The following CHSY1 variants were observed in gnomAD, a reference collection of about 807,000 sequenced individuals.
The protein encoded by CHSY1 is N-acetylgalactosaminyl-proteoglycan 3-beta-glucuronosyltransferase 1.
CHSY1 carries 13 observed loss-of-function variants against 59.8 expected under a neutral mutation model. The observed-to-expected ratio is 0.22, with a 90% CI of 0.14 to 0.35. The LOEUF (loss-of-function observed/expected upper bound fraction) is 0.35, where lower values mean the gene tolerates loss of function less well. CHSY1 is among the 10% of genes least tolerant of loss of function. The pLI, the probability that CHSY1 is intolerant of heterozygous loss-of-function variation, is 1.00. For missense variants in CHSY1, 947 were observed against 1,030.6 expected (o/e 0.92, Z 1.11); for synonymous variants, 459 against 401.2 (o/e 1.14, Z -1.72).
rs372012197 is a variant in CHSY1, at chr15:101,177,938, T to C, written c.1859A>G (p.Gln620Arg). The change falls in exon 3 of 3, where the codon CAG becomes CGG. Residue 620 changes from glutamine to arginine, a missense_variant. Physicochemically the swap from Gln to Arg is conservative, Grantham distance 43. Transcript: ENST00000254190. ...RALALEVGSS[Q>R]FNNESLLFFC... is the part of the protein sequence containing the mutation. Reference sequence around the variant, plus strand: ...GAAGAGCAAAGATTCATTGTTAAACTGGGAGGATCCTACTTCCAGGGCCAG... The same window carrying C: ...GAAGAGCAAAGATTCATTGTTAAACCGGGAGGATCCTACTTCCAGGGCCAG... 74 of 1,614,060 alleles carry C rather than the reference T, an allele frequency of 4.6e-5. No individual in the cohort carries two copies. The highest frequency in any genetic ancestry group is 6.7e-5 in the Admixed American group (4 of 60,002).
At position 101,235,845 on chromosome 15, in the gene CHSY1, G is replaced by A. The variant is rs80056390; in HGVS notation, c.321-268C>T. Among the ~76,000 whole-genome samples, 631 of 152,246 alleles carry A rather than the reference G, an allele frequency of 4.1e-3. 4 individuals carry two copies. The highest frequency in any genetic ancestry group is 0.014 in the African/African-American group (565 of 41,520). On this transcript the variant is annotated intron_variant, in intron 1 of 2. Coordinates refer to ENST00000254190, the MANE Select transcript of CHSY1 (RefSeq NM_014918.5). ...GTTATGGCTGAAAACCAAACTGCCAGGGGACCAAGGTCTGGGTATACAGAT... is the reference window on the plus strand; with the variant it reads ...GTTATGGCTGAAAACCAAACTGCCAAGGGACCAAGGTCTGGGTATACAGAT...
chr15:101,176,368 G>A lies in CHSY1; in HGVS notation c.*1020C>T. ...TTTTCCCCAACGTTTTGATTAGGGTGTATGTGTGTATGTTTCAGTCTGTGT... is the reference window on the plus strand; with the variant it reads ...TTTTCCCCAACGTTTTGATTAGGGTATATGTGTGTATGTTTCAGTCTGTGT... On this transcript the variant is annotated 3_prime_UTR_variant, in exon 3 of 3. Transcript: ENST00000254190. 1 of 398,578 alleles carries A rather than the reference G, an allele frequency of 2.5e-6. No homozygotes were observed. The highest frequency in any genetic ancestry group is 3.6e-5 in the East Asian group (1 of 28,064). 24.7% of individuals were successfully genotyped at this position (398,578 alleles called of 1,614,324 possible).
In CHSY1 at chr15:101,178,463, G is replaced by GCC; in HGVS notation, c.1332_1333dup (p.Ala445GlyfsTer20). 6.2e-7 allele frequency: 1 copy of GCC among 1,614,166 alleles called. No individual in the cohort carries two copies. The highest frequency in any genetic ancestry group is 8.5e-7 in the Non-Finnish European group (1 of 1,180,004). ...AAGCAGCAGGTCCAGGATGTACTCA[G>GCC]CCCCATACATGGGGTTCACCCGGCG... On this transcript the variant is annotated frameshift_variant, in exon 3 of 3. Coordinates refer to ENST00000254190, the MANE Select transcript of CHSY1 (RefSeq NM_014918.5). LOFTEE classifies it high-confidence loss of function.
intron 2 of CHSY1, among the ~76,000 whole-genome samples, chr15:101,185,659 C>CG: frequency 6.6e-6 from 1 of 150,538 alleles, no homozygotes; most frequent in Non-Finnish European, 1.5e-5. Flanking sequence ...GCCATTTGTA[C>CG]TGAACTTTTG....
intron 2 of CHSY1, among the ~76,000 whole-genome samples, chr15:101,225,922 C>T (rs2038837508): frequency 6.6e-6 from 1 of 152,094 alleles, no homozygotes; most frequent in Non-Finnish European, 1.5e-5. Context: ...TATGTCGATC[C>T]CACCTCCTGA....
At chr15:101,233,696 T>G (rs2038913266) in intron 2 of CHSY1, among the ~76,000 whole-genome samples, 1 of 152,150 alleles carries the variant, frequency 6.6e-6, no homozygotes, top group Non-Finnish European at 1.5e-5. Context: ...AGATCACATT[T>G]AGGATTTAAA....
chr15:101,241,606 T>C (rs556371477), intron 1 of CHSY1, among the ~76,000 whole-genome samples: 2 of 152,332 alleles, frequency 1.3e-5, no homozygotes, highest in Admixed American at 6.5e-5. Flanking sequence ...GTCGTTTCAA[T>C]TGTGATTTTT....
chr15:101,234,472 T>C (rs2038920264), intron 2 of CHSY1, among the ~76,000 whole-genome samples: 1 of 152,242 alleles, frequency 6.6e-6, no homozygotes, highest in South Asian at 2.1e-4. Context: ...TCAGACAAGA[T>C]GATTTTCTGG....
In CHSY1 at chr15:101,177,559, G is replaced by C; in HGVS notation, c.2238C>G (p.His746Gln). ...GATTGGGATCACAAAAGACAGGATGGTGGACGTGGACTACTCCTACTTCCT... is the reference window on the plus strand; with the variant it reads ...GATTGGGATCACAAAAGACAGGATGCTGGACGTGGACTACTCCTACTTCCT... ...RSQEVGVVHV[H>Q]HPVFCDPNLD... Residue 746 changes from histidine to glutamine, a missense_variant, in exon 3 of 3, where the codon CAC becomes CAG. Physicochemically the swap from His to Gln is conservative, Grantham distance 24. This residue lies in a region of CHSY1 where 602 missense variants were observed against 676.9 expected (regional missense o/e 0.89). Transcript: ENST00000254190. The C allele has an allele frequency of 6.2e-7, 1 of 1,614,036 alleles. No individual in the cohort carries two copies. The highest frequency in any genetic ancestry group is 8.5e-7 in the Non-Finnish European group (1 of 1,179,920).
chr15:101,246,891 G>C (rs1430721952), intron 1 of CHSY1, among the ~76,000 whole-genome samples: 4 of 152,126 alleles, frequency 2.6e-5, no homozygotes, highest in Non-Finnish European at 5.9e-5. Flanking sequence ...TTAAATATGG[G>C]AAAAATACGA....
At position 101,247,413 on chromosome 15, in the gene CHSY1, T is replaced by C. The variant is rs557856835; in HGVS notation, c.320+3724A>G. 7.9e-5 allele frequency among the ~76,000 whole-genome samples: 12 copies of C among 152,322 alleles called. No homozygotes were observed. The South Asian group carries it at 2.5e-3, about 32-fold the overall frequency. ...CACACTTGCCCTGCCCCAACCCTGT[T>C]CTATTTTCTCTACAGCATCCATCAC... On this transcript the variant is annotated intron_variant, in intron 1 of 2. Transcript: ENST00000254190.
intron 2 of CHSY1, among the ~76,000 whole-genome samples, chr15:101,192,063 AAAAAG>A (rs775330999): frequency 1.6e-4 from 24 of 152,226 alleles, no homozygotes; most frequent in Non-Finnish European, 3.2e-4. Context: ...AGCCCTATAC[AAAAAG>A]AAGAGAGAAA....
In CHSY1 at chr15:101,178,720, AGG is replaced by A; in HGVS notation, c.1075_1076del (p.Pro359SerfsTer30). The A allele has an allele frequency of 6.2e-7, 1 of 1,614,174 alleles. No individual in the cohort carries two copies. Among genetic ancestry groups the A allele is most frequent in the Non-Finnish European group, 8.5e-7 (1 of 1,180,018 alleles). On this transcript the variant is annotated frameshift_variant, in exon 3 of 3. Transcript: ENST00000254190. LOFTEE classifies it high-confidence loss of function. ...IHKEDLQLGI[P>X]PSFMRFQPRQ... ...GGGGCTGAAACCTCATGAAGGAGGG[AGG>A]GATTCCCAGCTGGAGGTCCTCTTTA...
chr15:101,232,153 C>T (rs963048185), intron 2 of CHSY1, among the ~76,000 whole-genome samples: 3 of 152,226 alleles, frequency 2.0e-5, no homozygotes, highest in South Asian at 4.2e-4. Context: ...TATTTCTACT[C>T]GCCAAAAAAA....
intron 2 of CHSY1, among the ~76,000 whole-genome samples, chr15:101,191,731 C>A (rs1386799171): frequency 2.0e-5 from 3 of 151,908 alleles, no homozygotes; most frequent in Non-Finnish European, 4.4e-5. Context: ...ACCTAAAGCT[C>A]CTCCAAAAAA....
intron 2 of CHSY1, among the ~76,000 whole-genome samples, chr15:101,180,299 C>T (rs533063071): frequency 6.6e-6 from 1 of 152,318 alleles, no homozygotes; most frequent in African/African-American, 2.4e-5. Context: ...TGAGTCCGGT[C>T]TTAGAGCAAG....
intron 2 of CHSY1, among the ~76,000 whole-genome samples, chr15:101,199,517 G>A (rs1285053823): frequency 6.6e-6 from 1 of 151,932 alleles, no homozygotes; most frequent in Non-Finnish European, 1.5e-5. Flanking sequence ...ACAAACAAAC[G>A]AACAAACAAA....
At chr15:101,211,233 A>G (rs1022639776) in intron 2 of CHSY1, among the ~76,000 whole-genome samples, 1 of 152,206 alleles carries the variant, frequency 6.6e-6, no homozygotes, top group Admixed American at 6.5e-5. Flanking sequence ...CTGAGGCAGA[A>G]AAATCACTTG....
rs369690983 is a variant in CHSY1, at chr15:101,200,806, A to C, written c.817-21826T>G. ...GGTCTTTCAATATGGAACCCTGGTC[A>C]TGTTGCTTGCTGGGAATAATTCGAC... On this transcript the variant is annotated intron_variant, in intron 2 of 2. Coordinates refer to ENST00000254190, the MANE Select transcript of CHSY1 (RefSeq NM_014918.5). Among the ~76,000 whole-genome samples, 12 of 152,208 alleles carry C rather than the reference A, an allele frequency of 7.9e-5. No homozygotes were observed. In the East Asian group the frequency reaches 1.7e-3, roughly 22 times the overall value.
Sources: allele counts gnomAD v4.1 joint callset (sites outside exome capture counted in the v4.1 genomes callset), GRCh38; gene constraint gnomAD v4.1.1; regional missense constraint gnomAD v4.1.1; transcripts MANE v1.5; gene names NCBI Gene and HGNC (gene_info 2026-07-23, HGNC 2026-07-21).